Variants in ADARB2 observed in about 807,000 individuals in gnomAD.
The protein encoded by ADARB2 is inactive double-stranded RNA-specific editase B2.
Under a neutral mutation model 62.2 loss-of-function variants are expected in ADARB2, and 25 were observed. The ratio of observed to expected loss-of-function variants is 0.40; its 90% confidence interval spans 0.29 to 0.56. ADARB2 has a LOEUF of 0.56. Ranked by LOEUF, ADARB2 falls within the 20% of genes least tolerant of loss-of-function variation. The pLI, the probability that ADARB2 is intolerant of heterozygous loss-of-function variation, is 0.43. For missense variants in ADARB2, 1,071 were observed against 1,077.4 expected, an observed-to-expected ratio of 0.99 and a Z score of 0.08; for synonymous variants, 572 against 500.8, an observed-to-expected ratio of 1.14 and a Z score of -1.90.
chr10:1,707,560 G>A (rs1834904741), intron 1 of ADARB2, among the ~76,000 whole-genome samples: 1 of 152,164 alleles, frequency 6.6e-6, no homozygotes, highest in Admixed American at 6.5e-5. Flanking sequence ...TTTGAAAATC[G>A]ATCCCGTGGC....
chr10:1,369,765 C>A (rs927126769), intron 2 of ADARB2, among the ~76,000 whole-genome samples: 29 of 152,366 alleles, frequency 1.9e-4, no homozygotes, highest in African/African-American at 6.5e-4. Context: ...CCTCCTGAGT[C>A]ATCCCCTCTG....
chr10:1,336,066 C>T (rs1041182859), intron 3 of ADARB2, among the ~76,000 whole-genome samples: 5 of 152,194 alleles, frequency 3.3e-5, no homozygotes, highest in Non-Finnish European at 7.3e-5. Flanking sequence ...CTAAACATGT[C>T]CTCCATTTTA....
chr10:1,457,959 C>A (rs886584735), intron 1 of ADARB2, among the ~76,000 whole-genome samples: 6 of 152,002 alleles, frequency 3.9e-5, no homozygotes, highest in Non-Finnish European at 5.9e-5. Context: ...ACATCAAAGC[C>A]TCCAAGAACG....
Position 1,447,556 on chromosome 10 carries a change from T to G in ADARB2, c.101-68396A>C, listed in dbSNP as rs151063486. Among the ~76,000 whole-genome samples the G allele has an allele frequency of 1.9e-3, 296 of 152,204 alleles. 1 individual carries two copies. Among genetic ancestry groups the G allele is most frequent in the East Asian group, 3.1e-3 (16 of 5,188 alleles). On this transcript the variant is annotated intron_variant, in intron 1 of 9. Coordinates refer to ENST00000381312, the MANE Select transcript of ADARB2 (RefSeq NM_018702.4). ...AGACAGATCATATGTAATTTTTTTT[T>G]TGTGTTTGTTTTGTTTGGTTGCTTT...
At chr10:1,575,433 T>A (rs1461915827) in intron 1 of ADARB2, among the ~76,000 whole-genome samples, 1 of 151,350 alleles carries the variant, frequency 6.6e-6, no homozygotes, top group African/African-American at 2.4e-5. Flanking sequence ...GAATAATGGG[T>A]CTTAAAGATG....
intron 6 of ADARB2, among the ~76,000 whole-genome samples, chr10:1,217,432 G>A (rs1181208864): frequency 1.3e-5 from 2 of 152,208 alleles, no homozygotes; most frequent in Non-Finnish European, 2.9e-5. Flanking sequence ...ACCGTGCTCA[G>A]GCCAGTAAGG....
Position 1,363,140 on chromosome 10 carries a change from C to T in ADARB2, c.965G>A (p.Arg322His), listed in dbSNP as rs1457201824. The T allele has an allele frequency of 5.8e-6, 9 of 1,546,598 alleles. No homozygotes were observed. Among genetic ancestry groups the T allele is most frequent in the African/African-American group, 1.4e-5 (1 of 70,534 alleles). ...CTGACCCCGGGCCAGCTTCTTGCTG[C>T]GCCCCGAGCCCTCGAACGTCCTGCC... ...VDGRTFEGSG[R>H]SKKLARGQAA... The change falls in exon 3 of 10, where the codon CGC becomes CAC. Residue 322 changes from arginine (R) to histidine (H), a missense_variant. By Grantham distance (29) the Arg-to-His change is conservative. Coordinates refer to ENST00000381312, the MANE Select transcript of ADARB2 (RefSeq NM_018702.4).
At chr10:1,543,717 G>A (rs937649738) in intron 1 of ADARB2, among the ~76,000 whole-genome samples, 16 of 152,186 alleles carry the variant, frequency 1.1e-4, no homozygotes, top group Non-Finnish European at 2.1e-4. Context: ...ATGATGTGGT[G>A]GAATTATCTG....
In ADARB2 at chr10:1,690,332, CAT is replaced by C. The variant is rs151030717; in HGVS notation, c.100+46717_100+46718del. 2.9e-3 allele frequency among the ~76,000 whole-genome samples: 441 copies of C among 152,328 alleles called. 2 individuals carry two copies. Among genetic ancestry groups the C allele is most frequent in the African/African-American group, 0.01 (416 of 41,568 alleles). On this transcript the variant is annotated intron_variant, in intron 1 of 9. Transcript: ENST00000381312. ...CGTTTTGGATGTTAGCAACTTATGA[CAT>C]ATCTGCTTCCAGATATTAAATACAA...
chr10:1,391,092 C>T (rs1006273574), intron 1 of ADARB2, among the ~76,000 whole-genome samples: 1 of 152,182 alleles, frequency 6.6e-6, no homozygotes, highest in South Asian at 2.1e-4. Flanking sequence ...CTCATTTTGT[C>T]TGTTCTTTTC....
chr10:1,706,992 C>T (rs7082611), intron 1 of ADARB2, among the ~76,000 whole-genome samples: 121,852 of 151,960 alleles, frequency 0.8, 50,152 homozygotes, highest in South Asian at 0.91. Flanking sequence ...TGGCTTCATG[C>T]GTTCCTCTCT....
intron 4 of ADARB2, among the ~76,000 whole-genome samples, chr10:1,258,191 A>G (rs947706291): frequency 1.3e-5 from 2 of 152,000 alleles, no homozygotes; most frequent in African/African-American, 2.4e-5. Context: ...GTGCTTAACC[A>G]TAGCATGGTT....
At chr10:1,585,841 T>C (rs987068992) in intron 1 of ADARB2, among the ~76,000 whole-genome samples, 15 of 152,254 alleles carry the variant, frequency 9.9e-5, no homozygotes, top group Middle Eastern at 3.4e-3. Context: ...GAGACCATCC[T>C]GGCTAACACG....
At chr10:1,383,132 G>T (rs1832498628) in intron 1 of ADARB2, among the ~76,000 whole-genome samples, 2 of 152,150 alleles carry the variant, frequency 1.3e-5, no homozygotes, top group Admixed American at 1.3e-4. Flanking sequence ...ATGTATTTTA[G>T]GGGGCATCTG....
At chr10:1,342,363 C>A (rs1454174532) in intron 3 of ADARB2, among the ~76,000 whole-genome samples, 1 of 152,210 alleles carries the variant, frequency 6.6e-6, no homozygotes, top group Non-Finnish European at 1.5e-5. Context: ...GACTCTGAGG[C>A]CTCTGCCCAA....
chr10:1,400,744 A>G (rs951464774), intron 1 of ADARB2, among the ~76,000 whole-genome samples: 1 of 152,124 alleles, frequency 6.6e-6, no homozygotes, highest in Non-Finnish European at 1.5e-5. Flanking sequence ...GGTCACTGAG[A>G]GCCTCCTTTT....
chr10:1,289,659 GC>G (rs1220389466), intron 3 of ADARB2, among the ~76,000 whole-genome samples: 1 of 152,262 alleles, frequency 6.6e-6, no homozygotes, highest in African/African-American at 2.4e-5. Flanking sequence ...TGGCTCCGTG[GC>G]CAGGACCCGT....
intron 1 of ADARB2, among the ~76,000 whole-genome samples, chr10:1,567,167 G>A (rs1320132053): frequency 6.7e-6 from 1 of 150,184 alleles, no homozygotes; most frequent in Non-Finnish European, 1.5e-5. Context: ...CTCAGAGGAA[G>A]TCTGTGGGTC....
intron 8 of ADARB2, among the ~76,000 whole-genome samples, chr10:1,189,350 C>T (rs182240011): frequency 1.4e-4 from 22 of 152,124 alleles, no homozygotes; most frequent in African/African-American, 5.3e-4. Context: ...GTGTTCCTGT[C>T]GAGCACCTTC....
Sources: allele counts gnomAD v4.1 joint callset (sites outside exome capture counted in the v4.1 genomes callset), GRCh38; gene constraint gnomAD v4.1.1; transcripts MANE v1.5; gene names NCBI Gene and HGNC (gene_info 2026-07-23, HGNC 2026-07-21).